The following C12orf42 variants were observed in gnomAD, a reference collection of about 807,000 sequenced individuals.
The protein encoded by C12orf42 is chromosome 12 open reading frame 42.
C12orf42 carries 25 observed loss-of-function variants against 21.6 expected under a neutral mutation model. The ratio of observed to expected loss-of-function variants is 1.16; its 90% confidence interval spans 0.84 to 1.62. The LOEUF is 1.62. C12orf42 is among the 40% of genes most tolerant of loss of function. The pLI is 0.00. For synonymous variants in C12orf42, 174 were observed against 175.0 expected, an observed-to-expected ratio of 0.99 and a Z score of 0.05; for missense variants, 483 against 459.3, an observed-to-expected ratio of 1.05 and a Z score of -0.47.
At chr12:103,551,247 C>G in the C12orf42 span, among the ~76,000 whole-genome samples, 1 of 152,098 alleles carries the variant, frequency 6.6e-6, no homozygotes, top group Non-Finnish European at 1.5e-5. Context: ...TCTTAGTTGT[C>G]ATGGCTCTAT....
Position 103,420,856 on chromosome 12 carries a change from C to T in C12orf42, c.79-19181G>A, listed in dbSNP as rs142614676. ...TTGCACTATACACATTGTAGATTGA[C>T]ACGACCATTGGATTATTTGTGGTTA... On this transcript the variant is annotated intron_variant, in intron 2 of 5. Coordinates refer to ENST00000548883, the MANE Select transcript of C12orf42 (RefSeq NM_198521.5). Among the ~76,000 whole-genome samples, 239 of 152,286 alleles carry T rather than the reference C, an allele frequency of 1.6e-3. 1 individual carries two copies. The highest frequency in any genetic ancestry group is 3.0e-3 in the Non-Finnish European group (204 of 68,030).
intron 3 of C12orf42, among the ~76,000 whole-genome samples, chr12:103,373,110 G>T (rs1302693482): frequency 6.6e-6 from 1 of 152,118 alleles, no homozygotes; most frequent in Non-Finnish European, 1.5e-5. Flanking sequence ...ACTGCCTGAA[G>T]TCAAACCCAT....
At chr12:103,420,382 T>C (rs1195349358) in intron 2 of C12orf42, among the ~76,000 whole-genome samples, 2 of 152,196 alleles carry the variant, frequency 1.3e-5, no homozygotes, top group African/African-American at 4.8e-5. Flanking sequence ...CATGAGGACG[T>C]GGATACCGAG....
chr12:103,217,193 C>A, the C12orf42 span, among the ~76,000 whole-genome samples: 1 of 152,078 alleles, frequency 6.6e-6, no homozygotes. Context: ...TGGTCCAGAA[C>A]ACATTGAAGT....
At chr12:103,243,304 CGTG>C (rs2033844728) in intron 10 of C12orf42, among the ~76,000 whole-genome samples, 1 of 151,926 alleles carries the variant, frequency 6.6e-6, no homozygotes, top group Non-Finnish European at 1.5e-5. Flanking sequence ...TGGGATTAAA[CGTG>C]GTAGCCACTG....
the C12orf42 span, among the ~76,000 whole-genome samples, chr12:103,148,842 G>T: frequency 6.6e-6 from 1 of 152,076 alleles, no homozygotes; most frequent in East Asian, 1.9e-4. Flanking sequence ...TTAAAATTAA[G>T]ACTAGAGAAA....
At chr12:103,307,826 G>A (rs778904031) in intron 4 of C12orf42, among the ~76,000 whole-genome samples, 1 of 152,156 alleles carries the variant, frequency 6.6e-6, no homozygotes. Flanking sequence ...TGAGTGCTGA[G>A]ATCTCTTTTG....
chr12:103,423,349 C>A (rs2050088338), intron 2 of C12orf42, among the ~76,000 whole-genome samples: 1 of 152,126 alleles, frequency 6.6e-6, no homozygotes, highest in Non-Finnish European at 1.5e-5. Context: ...AAAATGAACA[C>A]GGATCAAGTT....
chr12:103,430,332 C>A (rs1182735247), intron 2 of C12orf42, among the ~76,000 whole-genome samples: 1 of 152,196 alleles, frequency 6.6e-6, no homozygotes, highest in Non-Finnish European at 1.5e-5. Context: ...CAAAAGAAGA[C>A]ATCTATGCGG....
intron 2 of C12orf42, among the ~76,000 whole-genome samples, chr12:103,457,707 C>A (rs1301374396): frequency 1.3e-5 from 2 of 152,090 alleles, no homozygotes; most frequent in African/African-American, 2.4e-5. Flanking sequence ...AAAACAGGGA[C>A]CTACAATTTT....
At chr12:103,533,156 G>A in the C12orf42 span, among the ~76,000 whole-genome samples, 138 of 152,294 alleles carry the variant, frequency 9.1e-4, 4 homozygotes, top group East Asian at 0.023. Context: ...AACAATGGTG[G>A]TTATGTCCTC....
chr12:103,148,354 T>G, the C12orf42 span, among the ~76,000 whole-genome samples: 1 of 152,172 alleles, frequency 6.6e-6, no homozygotes, highest in Non-Finnish European at 1.5e-5. Flanking sequence ...GACCAAAGTA[T>G]GTTTTGCTTT....
chr12:103,280,174 T>G (rs1056011623), intron 4 of C12orf42, among the ~76,000 whole-genome samples: 1 of 152,216 alleles, frequency 6.6e-6, no homozygotes, highest in African/African-American at 2.4e-5. Context: ...ACCCACATTT[T>G]GTAGGCAAGG....
At chr12:103,489,593 A>T (rs1357973859) in intron 1 of C12orf42, among the ~76,000 whole-genome samples, 1 of 152,164 alleles carries the variant, frequency 6.6e-6, no homozygotes, top group Non-Finnish European at 1.5e-5. Context: ...TTGCTGAGCT[A>T]TGGTGGGTTC....
intron 2 of C12orf42, among the ~76,000 whole-genome samples, chr12:103,413,772 G>A (rs1451788143): frequency 1.3e-5 from 2 of 151,958 alleles, no homozygotes; most frequent in Non-Finnish European, 2.9e-5. Context: ...TAGAATAATG[G>A]TCTCCAACTC....
At chr12:103,159,124 C>T in the C12orf42 span, among the ~76,000 whole-genome samples, 9 of 152,288 alleles carry the variant, frequency 5.9e-5, no homozygotes, top group Admixed American at 1.3e-4. Context: ...ATTTATTTGT[C>T]TCCTTGCCAG....
At chr12:103,416,414 G>A (rs2049338638) in intron 2 of C12orf42, among the ~76,000 whole-genome samples, 1 of 151,956 alleles carries the variant, frequency 6.6e-6, no homozygotes, top group African/African-American at 2.4e-5. Context: ...ATTTTCTTGA[G>A]AGCCTGGAAA....
At chr12:103,327,100 G>C (rs1271962336) in intron 4 of C12orf42, among the ~76,000 whole-genome samples, 1 of 152,156 alleles carries the variant, frequency 6.6e-6, no homozygotes. Context: ...ACGAGGTAGG[G>C]GCACAGCAGT....
chr12:103,068,299 C>A, the C12orf42 span, among the ~76,000 whole-genome samples: 1 of 152,222 alleles, frequency 6.6e-6, no homozygotes, highest in Admixed American at 6.5e-5. Flanking sequence ...TTATTGACTT[C>A]AGCATTTAAG....
Sources: gnomAD v4.1 joint callset for allele counts (sites outside exome capture counted in the v4.1 genomes callset) on GRCh38, gnomAD v4.1.1 for gene constraint, MANE v1.5 for transcripts, NCBI Gene and HGNC (gene_info 2026-07-23, HGNC 2026-07-21) for gene names.